Variants in CA8 observed in about 807,000 individuals in gnomAD.
CA8 encodes the protein carbonic anhydrase 8 (inactive).
CA8 carries 22 observed loss-of-function variants against 41.4 expected under a neutral mutation model. The ratio of observed to expected loss-of-function variants is 0.53; its 90% CI spans 0.38 to 0.76. The LOEUF (loss-of-function observed/expected upper bound fraction) is 0.76, where lower values mean the gene tolerates loss of function less well. Ranked by LOEUF, CA8 falls within the 30% of genes least tolerant of loss-of-function variation. CA8 has a pLI of 0.00. For missense variants in CA8, 270 were observed against 352.8 expected (o/e 0.77, Z 1.88); for synonymous variants, 121 against 130.6 (o/e 0.93, Z 0.50).
At chr8:60,237,862 C>A (rs1807887224) in intron 3 of CA8, among the ~76,000 whole-genome samples, 1 of 152,228 alleles carries the variant, frequency 6.6e-6, no homozygotes, top group African/African-American at 2.4e-5. Flanking sequence ...ACTCTTCCCC[C>A]CAGCCCACCA....
chr8:60,213,088 C>T (rs1806894089), intron 7 of CA8, among the ~76,000 whole-genome samples: 1 of 152,204 alleles, frequency 6.6e-6, no homozygotes, highest in South Asian at 2.1e-4. Flanking sequence ...CCTCATTTCT[C>T]TTCTACCCCA....
At chr8:60,229,051 G>C (rs1006272464) in intron 4 of CA8, among the ~76,000 whole-genome samples, 7 of 152,134 alleles carry the variant, frequency 4.6e-5, no homozygotes, top group African/African-American at 1.7e-4. Context: ...CAGGAACCTT[G>C]AGAACAACTC....
chr8:60,190,184 C>T (rs923748340), intron 8 of CA8, among the ~76,000 whole-genome samples, 199 bp from the exon 9 acceptor site: 4 of 151,692 alleles, frequency 2.6e-5, no homozygotes, highest in African/African-American at 9.7e-5. Context: ...AATTTTATTT[C>T]TATGGCAGAC....
intron 4 of CA8, among the ~76,000 whole-genome samples, chr8:60,231,817 G>A (rs906584155): frequency 6.6e-5 from 10 of 152,102 alleles, no homozygotes; most frequent in African/African-American, 2.4e-4. Flanking sequence ...ATCTGCCAAG[G>A]TCTTTGCCAG....
In CA8 at chr8:60,246,459, AT is replaced by A. The variant is rs998640325; in HGVS notation, c.418-14081del. Among the ~76,000 whole-genome samples the A allele has an allele frequency of 9.7e-3, 1,400 of 145,058 alleles. 16 individuals carry two copies. The highest frequency in any genetic ancestry group is 0.03 in the African/African-American group (1,202 of 39,894). ...AGGTGTGCACCACCATGTCTGGCTA[AT>A]TTTTTTTTTTTGTACTTTTAGTGAG... On this transcript the variant is annotated intron_variant, in intron 3 of 8. Transcript: ENST00000317995.
intron 3 of CA8, among the ~76,000 whole-genome samples, chr8:60,255,663 G>A (rs964721176): frequency 1.3e-5 from 2 of 152,168 alleles, no homozygotes; most frequent in Non-Finnish European, 2.9e-5. Flanking sequence ...TAGAATAAAT[G>A]TCTTCCTTCT....
chr8:60,268,490 G>C (rs181528158), intron 2 of CA8, among the ~76,000 whole-genome samples: 1 of 152,062 alleles, frequency 6.6e-6, no homozygotes, highest in African/African-American at 2.4e-5. Context: ...TATACTCCCC[G>C]CATGACCAAT....
At chr8:60,192,737 ATGTT>A (rs1372083652) in intron 8 of CA8, among the ~76,000 whole-genome samples, 8 of 152,154 alleles carry the variant, frequency 5.3e-5, no homozygotes, top group African/African-American at 1.4e-4. Context: ...AAGTTTTTAA[ATGTT>A]TGTTATGAAA....
chr8:60,202,168 T>A (rs1369199711), intron 8 of CA8, among the ~76,000 whole-genome samples: 1 of 151,762 alleles, frequency 6.6e-6, no homozygotes, highest in Non-Finnish European at 1.5e-5. Flanking sequence ...CTCAGCCTCC[T>A]GAGTAGCTGG....
intron 7 of CA8, among the ~76,000 whole-genome samples, chr8:60,218,959 A>C (rs544369225): frequency 6.6e-6 from 1 of 151,878 alleles, no homozygotes; most frequent in South Asian, 2.1e-4. Context: ...CAGCAAGAGA[A>C]GGGACCTGGA....
chr8:60,237,683 A>G (rs950583229), intron 3 of CA8, among the ~76,000 whole-genome samples: 13 of 151,986 alleles, frequency 8.6e-5, no homozygotes, highest in African/African-American at 2.7e-4. Flanking sequence ...ATGGCTACCA[A>G]CAACAACAGC....
Position 60,192,947 on chromosome 8 carries a change from A to G in CA8, c.*36-2962T>C, listed in dbSNP as rs930957066. ...TCCTGTCAACATCATGCACACACAC[A>G]CACACACACACACACACACACACAC... On this transcript the variant is annotated intron_variant, in intron 8 of 8. Coordinates refer to ENST00000317995, the MANE Select transcript of CA8 (RefSeq NM_004056.6). Among the ~76,000 whole-genome samples the G allele has an allele frequency of 3.2e-4, 49 of 150,920 alleles. No individual in the cohort carries two copies. In the Middle Eastern group the frequency reaches 0.014, roughly 42 times the overall value.
intron 3 of CA8, among the ~76,000 whole-genome samples, chr8:60,239,744 A>G (rs1239133214): frequency 2.0e-5 from 3 of 152,200 alleles, no homozygotes; most frequent in Admixed American, 2.0e-4. Flanking sequence ...ATCCTGTAGA[A>G]GATAATCAAA....
At chr8:60,280,199 T>C (rs1376951786) in intron 1 of CA8, among the ~76,000 whole-genome samples, 1 of 152,168 alleles carries the variant, frequency 6.6e-6, no homozygotes, top group African/African-American at 2.4e-5. Flanking sequence ...CAGAACAATT[T>C]CTTCTGCTTA....
rs1034431443 is a variant in CA8 at position 60,188,979 on chromosome 8, CAAT to C, written c.*1039_*1041del. On this transcript the variant is annotated 3_prime_UTR_variant, in exon 9 of 9. Coordinates refer to ENST00000317995, the MANE Select transcript of CA8 (RefSeq NM_004056.6). ...GTCATTCATTTTACAATTATAACAA[CAAT>C]AACAATAATATTTATTGTTTGCTTT... The C allele has an allele frequency of 1.1e-4, 16 of 152,204 alleles. No individual in the cohort carries two copies. The highest frequency in any genetic ancestry group is 3.6e-4 in the African/African-American group (15 of 41,546). The allele number at this position is 152,204 out of a possible 1,614,324, so 9.4% of individuals were successfully genotyped here. A position where few individuals can be genotyped will look rare whatever the true frequency, so the allele number is the denominator to read the frequency against.
rs1807037949 is a variant in CA8 at position 60,216,784 on chromosome 8, T to C, written c.738+5865A>G. On this transcript the variant is annotated intron_variant, in intron 7 of 8. Coordinates refer to ENST00000317995, the MANE Select transcript of CA8 (RefSeq NM_004056.6). Reference sequence around the variant, plus strand: ...AGTTCAGCATTAACATTGTGAATGCTGGCAAGGGAATCCTTAAAGGAATTC... The same window carrying C: ...AGTTCAGCATTAACATTGTGAATGCCGGCAAGGGAATCCTTAAAGGAATTC... Among the ~76,000 whole-genome samples, 3 of 152,210 alleles carry C rather than the reference T, an allele frequency of 2.0e-5. No individual in the cohort carries two copies. The South Asian group carries it at 6.2e-4, about 32-fold the overall frequency.
intron 3 of CA8, among the ~76,000 whole-genome samples, chr8:60,242,366 G>T (rs1808059031): frequency 6.6e-6 from 1 of 152,182 alleles, no homozygotes; most frequent in Admixed American, 6.5e-5. Flanking sequence ...GGTACAGAAA[G>T]TGAAGTAACC....
chr8:60,255,064 A>T (rs892816526), intron 3 of CA8, among the ~76,000 whole-genome samples: 3 of 152,246 alleles, frequency 2.0e-5, no homozygotes, highest in African/African-American at 7.2e-5. Context: ...CATCAATCTT[A>T]CTAATGGGAC....
At chr8:60,224,643 A>T in intron 5 of CA8, 58 bp from the exon 6 acceptor site, 3 of 1,101,388 alleles carry the variant, frequency 2.7e-6, no homozygotes, top group Non-Finnish European at 2.8e-6. Context: ...ATTTTAGAAT[A>T]AAAAATCTAT....
Sources: gnomAD v4.1 joint callset for allele counts (sites outside exome capture counted in the v4.1 genomes callset) on GRCh38, gnomAD v4.1.1 for gene constraint, MANE v1.5 for transcripts, NCBI Gene and HGNC (gene_info 2026-07-23, HGNC 2026-07-21) for gene names.